The following DPYD variants were observed in gnomAD, a reference collection of about 807,000 sequenced individuals.
DPYD encodes the protein dihydropyrimidine dehydrogenase, also known as dihydropyrimidine dehydrogenase [NADP(+)].
Under a neutral mutation model 116.2 loss-of-function variants are expected in DPYD, and 109 were observed. The observed-to-expected ratio is 0.94, with a 90% CI of 0.80 to 1.10. The LOEUF is 1.10. DPYD is among the 50% of genes least tolerant of loss of function. The pLI is 0.00. For synonymous variants in DPYD, 440 were observed against 432.0 expected (o/e 1.02, Z -0.23); for missense variants, 1,302 against 1,254.5 (o/e 1.04, Z -0.57).
At chr1:97,573,654 G>A in intron 11 of DPYD, 106 bp downstream of exon 11, 1 of 1,413,026 alleles carries the variant, frequency 7.1e-7, no homozygotes, top group South Asian at 1.2e-5. Context: ...AACTAGAAGA[G>A]GAAAATAAAT....
At chr1:97,828,956 A>C (rs1669388318) in intron 2 of DPYD, among the ~76,000 whole-genome samples, 1 of 151,906 alleles carries the variant, frequency 6.6e-6, no homozygotes. Context: ...TTTTTACTAC[A>C]ATTCTAAATA....
At chr1:97,798,332 G>A (rs184412912) in intron 3 of DPYD, among the ~76,000 whole-genome samples, 1 of 151,456 alleles carries the variant, frequency 6.6e-6, no homozygotes, top group Admixed American at 6.6e-5. Context: ...TAACCATCTA[G>A]TCATACACAG....
chr1:97,161,424 C>T (rs918577242), intron 20 of DPYD, among the ~76,000 whole-genome samples: 26 of 152,014 alleles, frequency 1.7e-4, no homozygotes, highest in Non-Finnish European at 3.2e-4. Context: ...ATAAAGAGTT[C>T]TCACCGTCTA....
At chr1:97,689,626 G>T (rs190947481) in intron 7 of DPYD, among the ~76,000 whole-genome samples, 3 of 152,034 alleles carry the variant, frequency 2.0e-5, no homozygotes, top group Admixed American at 6.6e-5. Context: ...TCATTTCATT[G>T]CCAGGAAATT....
intron 18 of DPYD, among the ~76,000 whole-genome samples, chr1:97,262,189 AG>A (rs1307239338): frequency 6.6e-6 from 1 of 152,012 alleles, no homozygotes; most frequent in African/African-American, 2.4e-5. Context: ...AGAAATGTCT[AG>A]TTACTACTTT....
At chr1:97,092,274 A>G (rs1243857232) in intron 21 of DPYD, among the ~76,000 whole-genome samples, 1 of 152,312 alleles carries the variant, frequency 6.6e-6, no homozygotes, top group East Asian at 1.9e-4. Flanking sequence ...ACCGGAACAT[A>G]GTGGTTGCAC....
At chr1:97,085,084 G>A (rs1649421209) in intron 21 of DPYD, among the ~76,000 whole-genome samples, 2 of 152,218 alleles carry the variant, frequency 1.3e-5, no homozygotes, top group South Asian at 4.1e-4. Flanking sequence ...ATATTTCCCA[G>A]TACTATTTTA....
chr1:97,284,088 T>A (rs902847900), intron 18 of DPYD, among the ~76,000 whole-genome samples: 46 of 152,154 alleles, frequency 3.0e-4, no homozygotes, highest in Non-Finnish European at 1.0e-4. Flanking sequence ...ACTCTTCACA[T>A]TTCCTAGGTA....
chr1:97,390,881 C>G (rs558623148), intron 14 of DPYD, among the ~76,000 whole-genome samples: 1 of 151,864 alleles, frequency 6.6e-6, no homozygotes, highest in East Asian at 1.9e-4. Context: ...CCCCAATATG[C>G]TTAGGAACTG....
At chr1:97,389,526 A>ATTGTC (rs1189021668) in intron 14 of DPYD, among the ~76,000 whole-genome samples, 2 of 152,006 alleles carry the variant, frequency 1.3e-5, no homozygotes, top group African/African-American at 4.8e-5. Context: ...GGTTTTATAG[A>ATTGTC]TTGTCTTAGA....
At chr1:97,470,665 T>G (rs1159708209) in intron 13 of DPYD, among the ~76,000 whole-genome samples, 4 of 152,196 alleles carry the variant, frequency 2.6e-5, no homozygotes, top group African/African-American at 7.2e-5. Context: ...AAGCTGCCCA[T>G]GTTAGTGATA....
chr1:97,828,253 T>C, intron 2 of DPYD, 57 bp from the exon 3 acceptor site: 2 of 1,489,528 alleles, frequency 1.3e-6, no homozygotes, highest in Non-Finnish European at 1.9e-6. Context: ...AAATTGTATC[T>C]ATGCAGTTAT....
At chr1:97,283,638 A>G (rs1665473786) in intron 18 of DPYD, among the ~76,000 whole-genome samples, 1 of 152,158 alleles carries the variant, frequency 6.6e-6, no homozygotes, top group Non-Finnish European at 1.5e-5. Context: ...TTTGAAATAA[A>G]CGCTGTATTT....
intron 2 of DPYD, among the ~76,000 whole-genome samples, chr1:97,867,003 G>A (rs1404784010): frequency 3.3e-5 from 5 of 151,626 alleles, no homozygotes; most frequent in Non-Finnish European, 5.9e-5. Context: ...GGAAGACAAT[G>A]GAAAACATAA....
chr1:97,548,941 A>G (rs1651110304), intron 12 of DPYD, among the ~76,000 whole-genome samples: 1 of 152,142 alleles, frequency 6.6e-6, no homozygotes, highest in African/African-American at 2.4e-5. Context: ...GTCCTATAAT[A>G]TTGTATACCA....
In DPYD at chr1:97,173,478, G is replaced by GTA. The variant is rs539903109; in HGVS notation, c.2622+19589_2622+19590dup. ...GAGTATATATATACACACATAATGT[G>GTA]TATATATATACACGCATATATAAAA... On this transcript the variant is annotated intron_variant, in intron 20 of 22. Transcript: ENST00000370192. 8.8e-5 allele frequency among the ~76,000 whole-genome samples: 13 copies of GTA among 147,378 alleles called. 1 individual carries two copies. Among genetic ancestry groups the GTA allele is most frequent in the South Asian group, 6.4e-4 (3 of 4,662 alleles).
At chr1:97,290,305 T>C (rs971422529) in intron 18 of DPYD, among the ~76,000 whole-genome samples, 3 of 151,986 alleles carry the variant, frequency 2.0e-5, no homozygotes, top group Non-Finnish European at 2.9e-5. Flanking sequence ...AAGCTACCAA[T>C]GACTTTCTTC....
chr1:97,351,701 A>C (rs1222108894), intron 16 of DPYD, among the ~76,000 whole-genome samples: 1 of 152,152 alleles, frequency 6.6e-6, no homozygotes, highest in Non-Finnish European at 1.5e-5. Flanking sequence ...AATAAGGCAA[A>C]AAATGGAGAA....
intron 19 of DPYD, among the ~76,000 whole-genome samples, chr1:97,207,735 A>T (rs1360097971): frequency 1.3e-5 from 2 of 152,158 alleles, no homozygotes; most frequent in African/African-American, 4.8e-5. Flanking sequence ...GAGCCCAGAG[A>T]CGCTAAGGAA....
Sources: gnomAD v4.1 joint callset for allele counts (sites outside exome capture counted in the v4.1 genomes callset) on GRCh38, gnomAD v4.1.1 for gene constraint, MANE v1.5 for transcripts, NCBI Gene and HGNC (gene_info 2026-07-23, HGNC 2026-07-21) for gene names.